The following PTCD1 variants were observed in gnomAD, a reference collection of about 807,000 sequenced individuals.
The protein encoded by PTCD1 is pentatricopeptide repeat domain 1.
PTCD1 carries 50 observed loss-of-function variants against 53.4 expected under a neutral mutation model. That is an observed-to-expected ratio of 0.94 (90% confidence interval 0.75 to 1.19). The LOEUF is 1.19. PTCD1 is among the 50% of genes most tolerant of loss of function. The probability of loss-of-function intolerance (pLI) is 0.00; values close to 1 mark genes in which losing one functional copy is unlikely to be tolerated. For synonymous variants in PTCD1, 413 were observed against 394.8 expected, an observed-to-expected ratio of 1.05 and a Z score of -0.55; for missense variants, 918 against 904.8, an observed-to-expected ratio of 1.01 and a Z score of -0.19.
chr7:99,435,405 G>C lies in PTCD1; in HGVS notation c.-26-137C>G, dbSNP rs570601899. On this transcript the variant is annotated intron_variant, in intron 1 of 7. Coordinates refer to ENST00000292478, the MANE Select transcript of PTCD1 (RefSeq NM_015545.4). Reference sequence around the variant, plus strand: ...TGTAATCCCAGCACTTTGGGAGGTCGAGGCTGGCATATCACTTGAGGTCAG... The same window carrying C: ...TGTAATCCCAGCACTTTGGGAGGTCCAGGCTGGCATATCACTTGAGGTCAG... 98 of 1,142,068 alleles carry C rather than the reference G, an allele frequency of 8.6e-5. No individual in the cohort carries two copies. The East Asian group carries it at 2.3e-3, about 26-fold the overall frequency. The allele number at this position is 1,142,068 out of a possible 1,614,324, so 70.7% of individuals were successfully genotyped here.
intron 7 of PTCD1, among the ~76,000 whole-genome samples, chr7:99,420,535 G>A (rs1323986218): frequency 6.6e-6 from 1 of 152,130 alleles, no homozygotes; most frequent in African/African-American, 2.4e-5. Flanking sequence ...TCTCAACACT[G>A]CCAAGATAGG....
At chr7:99,429,893 G>C in intron 3 of PTCD1, 87 bp from the exon 4 acceptor site, 1 of 1,527,754 alleles carries the variant, frequency 6.5e-7, no homozygotes, top group Non-Finnish European at 8.9e-7. Context: ...TGAGGCTGGA[G>C]AGGACCCCGT....
In PTCD1 at chr7:99,425,368, C is replaced by T. The variant is rs115063018; in HGVS notation, c.1164G>A (p.Leu388=). ...CAAGTGCCTGAGAAGGTTCCAGAAA[C>T]AGCTGCCTCTCCAGGGCCTCCACAT... is the stretch of plus-strand genomic sequence containing the variant. ...MLHVEALERQ[L]FLEPSQALGP... is the part of the protein sequence containing the mutation. The change falls in exon 6 of 8, where the codon CTG becomes CTA. Residue 388 remains leucine, a synonymous_variant. Transcript: ENST00000292478. 2.8e-3 allele frequency: 4,457 copies of T among 1,614,188 alleles called. 55 individuals carry two copies. In the African/African-American group the frequency reaches 0.038, roughly 14 times the overall value.
At chr7:99,420,736 C>A (rs924796270) in intron 7 of PTCD1, among the ~76,000 whole-genome samples, 23 of 152,182 alleles carry the variant, frequency 1.5e-4, no homozygotes, top group South Asian at 2.1e-4. Flanking sequence ...GTGGGCAGAT[C>A]ACTTGAGGTC....
rs1489654239 is a variant in PTCD1, at chr7:99,425,581, C to G, written c.951G>C (p.Pro317=). 4 of 1,610,900 alleles carry G rather than the reference C, an allele frequency of 2.5e-6. No individual in the cohort carries two copies. Among genetic ancestry groups the G allele is most frequent in the Admixed American group, 3.3e-5 (2 of 59,888 alleles). Residue 317 remains proline, a synonymous_variant, in exon 6 of 8, where the codon CCG becomes CCC. Coordinates refer to ENST00000292478, the MANE Select transcript of PTCD1 (RefSeq NM_015545.4). ...ACAGCAGGTTGTAGCTGTCCCGGCT[C>G]GGCTGTAGCCCTAGACTCAGCATCA... ...WRLMLSLGLQ[P]SRDSYNLLLV...
At chr7:99,427,251 A>C (rs1333358645) in intron 5 of PTCD1, among the ~76,000 whole-genome samples, 3 of 99,232 alleles carry the variant, frequency 3.0e-5, no homozygotes, top group Admixed American at 2.0e-4. Context: ...GGCTGCCCCT[A>C]CTGGGAAGTG....
At chr7:99,432,288 T>C (rs187987269) in intron 3 of PTCD1, among the ~76,000 whole-genome samples, 12 of 152,294 alleles carry the variant, frequency 7.9e-5, no homozygotes, top group Non-Finnish European at 1.5e-4. Context: ...GAATGGAATG[T>C]CTTGGGTGTA....
intron 3 of PTCD1, 53 bp from the exon 4 acceptor site, chr7:99,429,859 GT>G: frequency 6.2e-7 from 1 of 1,604,930 alleles, no homozygotes; most frequent in Non-Finnish European, 8.5e-7. Context: ...GGACGCACAG[GT>G]GAGCAGCTGC....
At chr7:99,436,495 A>T (rs1294301496) in intron 1 of PTCD1, among the ~76,000 whole-genome samples, 2 of 152,110 alleles carry the variant, frequency 1.3e-5, no homozygotes, top group Non-Finnish European at 2.9e-5. Flanking sequence ...TGCCCCTGTA[A>T]TCCCAGCTAC....
At chr7:99,433,676 A>G (rs1049823308) in intron 2 of PTCD1, among the ~76,000 whole-genome samples, 2 of 152,214 alleles carry the variant, frequency 1.3e-5, no homozygotes, top group African/African-American at 4.8e-5. Context: ...GAGTGCTTCA[A>G]TGAGCCAGAC....
Position 99,434,736 on chromosome 7 carries a change from C to T in PTCD1, c.453+54G>A, listed in dbSNP as rs949971050. The T allele has an allele frequency of 1.4e-5, 23 of 1,610,196 alleles. No homozygotes were observed. In the African/African-American group the frequency reaches 2.9e-4, roughly 21 times the overall value. Reference sequence around the variant, plus strand: ...AAGTCAGGTGACCCCTTGCAAAACACTGAGCCACCAGGGGAAAGAAGCCAG... The same window carrying T: ...AAGTCAGGTGACCCCTTGCAAAACATTGAGCCACCAGGGGAAAGAAGCCAG... On this transcript the variant is annotated intron_variant, in intron 2 of 7. Transcript: ENST00000292478.
chr7:99,430,193 G>A lies in PTCD1; in HGVS notation c.595-387C>T, dbSNP rs143460231. Among the ~76,000 whole-genome samples, 424 of 152,342 alleles carry A rather than the reference G, an allele frequency of 2.8e-3. 1 individual carries two copies. The highest frequency in any genetic ancestry group is 9.9e-3 in the African/African-American group (412 of 41,572). On this transcript the variant is annotated intron_variant, in intron 3 of 7. Transcript: ENST00000292478. ...AAGTTAGCACTTCCTCGCGAAAATGGGGATGACACCATCACCTTGAAACCA... is the reference window on the plus strand; with the variant it reads ...AAGTTAGCACTTCCTCGCGAAAATGAGGATGACACCATCACCTTGAAACCA...
Position 99,417,701 on chromosome 7 carries a change from C to A in PTCD1, c.*2266G>T. On this transcript the variant is annotated 3_prime_UTR_variant, in exon 8 of 8. Coordinates refer to ENST00000292478, the MANE Select transcript of PTCD1 (RefSeq NM_015545.4). ...TGGTTGGGCTGGAATGTCGTTTTGT[C>A]CCTGGATGTCCTGCTGGCTCTCCCT... 6.5e-7 allele frequency: 1 copy of A among 1,548,312 alleles called. No individual in the cohort carries two copies. Among genetic ancestry groups the A allele is most frequent in the South Asian group, 1.2e-5 (1 of 85,152 alleles).
At chr7:99,437,832 T>G (rs1584472119) in intron 1 of PTCD1, among the ~76,000 whole-genome samples, 1 of 152,162 alleles carries the variant, frequency 6.6e-6, no homozygotes, top group East Asian at 1.9e-4. Context: ...TCCAGGCCAA[T>G]TTTTATATTT....
rs771849619 is a variant in PTCD1, at chr7:99,417,389, T to TA, written c.*2577dup. ...TTTGATCAAGGGTGGGGAAGGTTTTTAGACCATGGCCTGATGCTCTTTCCC... is the reference window on the plus strand; with the variant it reads ...TTTGATCAAGGGTGGGGAAGGTTTTTAAGACCATGGCCTGATGCTCTTTCCC... On this transcript the variant is annotated 3_prime_UTR_variant, in exon 8 of 8. Coordinates refer to ENST00000292478, the MANE Select transcript of PTCD1 (RefSeq NM_015545.4). The TA allele has an allele frequency of 1.2e-5, 20 of 1,606,198 alleles. No homozygotes were observed. The highest frequency in any genetic ancestry group is 8.5e-7 in the Non-Finnish European group (1 of 1,173,288).
chr7:99,435,407 G>A, intron 1 of PTCD1, 139 bp from the exon 2 acceptor site: 3 of 1,125,070 alleles, frequency 2.7e-6, no homozygotes, highest in Non-Finnish European at 3.8e-6. Context: ...GGGAGGTCGA[G>A]GCTGGCATAT....
chr7:99,418,573 G>A lies in PTCD1; in HGVS notation c.*1394C>T, dbSNP rs1795638645. ...TGGAGAGCTGTGGCTGGATGCTGAG[G>A]ACTTGGGTACTGAGCAGTGGGGGCG... On this transcript the variant is annotated 3_prime_UTR_variant, in exon 8 of 8. Coordinates refer to ENST00000292478, the MANE Select transcript of PTCD1 (RefSeq NM_015545.4). 6.5e-6 allele frequency: 1 copy of A among 152,786 alleles called. No individual in the cohort carries two copies. The highest frequency in any genetic ancestry group is 2.4e-5 in the African/African-American group (1 of 41,472). 9.5% of individuals were successfully genotyped at this position (152,786 alleles called of 1,614,324 possible).
In PTCD1 at chr7:99,434,893, C is replaced by G; in HGVS notation, c.350G>C (p.Arg117Pro). The G allele has an allele frequency of 1.2e-6, 2 of 1,614,216 alleles. No individual in the cohort carries two copies. Among genetic ancestry groups the G allele is most frequent in the Non-Finnish European group, 8.5e-7 (1 of 1,180,050 alleles). The stretch of plus-strand genomic sequence containing the variant: ...CTCCGGTTCCATTTGCTCATCTCTC[C>G]GTTCCCCAAACCGCAGGTTATGGAA... ...AQFHNLRFGE[R>P]RDEQMEPEPK... is the part of the protein sequence containing the mutation. The change falls in exon 2 of 8, where the codon CGG (arginine) becomes CCG (proline). Residue 117 changes from arginine (R) to proline (P), a missense_variant. By Grantham distance (103) the Arg-to-Pro change is moderately radical (BLOSUM62 -2). Coordinates refer to ENST00000292478, the MANE Select transcript of PTCD1 (RefSeq NM_015545.4).
Position 99,433,407 on chromosome 7 carries a change from G to A in PTCD1, c.465C>T (p.Ala155=). 6.2e-7 allele frequency: 1 copy of A among 1,614,120 alleles called. No individual in the cohort carries two copies. ...HLIKEGKLVE[A]LDLFERQMLK... ...GCATCTGCCTCTCAAACAGGTCCAGGGCTTCAACCAGCTGCAGGGAAGAGG... is the reference window on the plus strand; with the variant it reads ...GCATCTGCCTCTCAAACAGGTCCAGAGCTTCAACCAGCTGCAGGGAAGAGG... The change falls in exon 3 of 8, where the codon GCC becomes GCT. Residue 155 remains alanine (A), a synonymous_variant. Coordinates refer to ENST00000292478, the MANE Select transcript of PTCD1 (RefSeq NM_015545.4).
Sources: allele counts gnomAD v4.1 joint callset (sites outside exome capture counted in the v4.1 genomes callset), GRCh38; gene constraint gnomAD v4.1.1; transcripts MANE v1.5; gene names NCBI Gene and HGNC (gene_info 2026-07-23, HGNC 2026-07-21).